The following AASDHPPT variants were observed in gnomAD, a reference collection of about 807,000 sequenced individuals.
The protein encoded by AASDHPPT is aminoadipate-semialdehyde dehydrogenase-phosphopantetheinyl transferase.
Under a neutral mutation model 36.4 loss-of-function variants are expected in AASDHPPT, and 23 were observed. That is an observed-to-expected ratio of 0.63 (90% CI 0.45 to 0.89). AASDHPPT has a LOEUF of 0.89. Among genes scored for constraint, AASDHPPT ranks in the 40% least tolerant of loss-of-function variants. The pLI, the probability that AASDHPPT is intolerant of heterozygous loss-of-function variation, is 0.00. For missense variants in AASDHPPT, 377 were observed against 378.2 expected (o/e 1.00, Z 0.03); for synonymous variants, 115 against 128.0 (o/e 0.90, Z 0.68).
chr11:106,088,062 C>T (rs1034045117), intron 2 of AASDHPPT, among the ~76,000 whole-genome samples: 4 of 152,108 alleles, frequency 2.6e-5, no homozygotes, highest in Admixed American at 6.6e-5. Context: ...CGAATATTTA[C>T]GAAATCACCT....
At chr11:106,086,595 C>G (rs1231123427) in intron 2 of AASDHPPT, among the ~76,000 whole-genome samples, 2 of 152,250 alleles carry the variant, frequency 1.3e-5, no homozygotes, top group African/African-American at 2.4e-5. Context: ...TTCACCCCAT[C>G]CCAGCATTAG....
At chr11:106,093,246 G>C (rs898761511) in intron 4 of AASDHPPT, 1 of 152,148 alleles carries the variant, frequency 6.6e-6, no homozygotes, top group Non-Finnish European at 1.5e-5. Flanking sequence ...ATATCCATTA[G>C]TTAACATTCT....
At chr11:106,081,712 A>G (rs1024944775) in intron 2 of AASDHPPT, among the ~76,000 whole-genome samples, 2 of 152,144 alleles carry the variant, frequency 1.3e-5, no homozygotes, top group African/African-American at 4.8e-5. Context: ...CTTGATGGGC[A>G]GTGTTGGCTA....
intron 5 of AASDHPPT, among the ~76,000 whole-genome samples, chr11:106,096,130 CAT>C (rs991642863): frequency 4.6e-5 from 7 of 152,080 alleles, no homozygotes; most frequent in African/African-American, 1.7e-4. Flanking sequence ...TGAGACCAGT[CAT>C]ATAAGTACTG....
At chr11:106,081,875 G>A (rs1464688348) in intron 2 of AASDHPPT, among the ~76,000 whole-genome samples, 1 of 151,604 alleles carries the variant, frequency 6.6e-6, no homozygotes, top group Non-Finnish European at 1.5e-5. Flanking sequence ...GGGAAGGGGG[G>A]AGGGATAGCA....
intron 5 of AASDHPPT, 172 bp from the exon 6 acceptor site, chr11:106,096,571 T>C (rs961801453): frequency 1.5e-5 from 7 of 457,154 alleles, no homozygotes; most frequent in Non-Finnish European, 2.6e-5. Flanking sequence ...TTTTTTTGAT[T>C]TGTTGTATTG....
chr11:106,087,754 A>G (rs1861211127), intron 2 of AASDHPPT, among the ~76,000 whole-genome samples: 1 of 152,204 alleles, frequency 6.6e-6, no homozygotes, highest in Admixed American at 6.5e-5. Context: ...TTAGTTAATC[A>G]TTCCAGAATA....
rs1861077164 is a variant in AASDHPPT at position 106,077,859 on chromosome 11, A to C, written c.149A>C (p.Gln50Pro). ...IQPEEKERIGQFVFARDAKAA... is the reference protein window; with the variant it reads ...IQPEEKERIGPFVFARDAKAA... The stretch of plus-strand genomic sequence containing the variant: ...CCCGAGGAGAAGGAGCGCATTGGCC[A>C]GTTCGTCTTTGCCCGGGACGCTAAG... Residue 50 changes from glutamine (Q) to proline (P), a missense_variant, in exon 1 of 6, where the codon CAG (glutamine) becomes CCG (proline). By Grantham distance (76) the Gln-to-Pro change is moderately conservative. Transcript: ENST00000278618. The C allele has an allele frequency of 6.2e-7, 1 of 1,614,020 alleles. No individual in the cohort carries two copies. Among genetic ancestry groups the C allele is most frequent in the East Asian group, 2.2e-5 (1 of 44,880 alleles).
In AASDHPPT at chr11:106,083,987, G is replaced by A. The variant is rs191387158; in HGVS notation, c.409+4295G>A. On this transcript the variant is annotated intron_variant, in intron 2 of 5. Transcript: ENST00000278618. ...TAAGGAAAATTCTTATAACAAATTT[G>A]GTAAGGTGTCAATATCCATAATATA... Among the ~76,000 whole-genome samples the A allele has an allele frequency of 1.7e-3, 265 of 151,994 alleles. 4 individuals carry two copies. Among genetic ancestry groups the A allele is most frequent in the African/African-American group, 6.0e-3 (248 of 41,468 alleles).
intron 1 of AASDHPPT, among the ~76,000 whole-genome samples, chr11:106,078,656 G>A (rs1314693352): frequency 6.6e-6 from 1 of 151,998 alleles, no homozygotes; most frequent in Non-Finnish European, 1.5e-5. Context: ...AAGGCACATT[G>A]GTGAAAATTT....
At chr11:106,091,710 A>G in intron 4 of AASDHPPT, 1 of 365,610 alleles carries the variant, frequency 2.7e-6, no homozygotes, top group Non-Finnish European at 4.8e-6. Context: ...AGAGGCTCTG[A>G]CAAGGAGCTT....
Position 106,094,430 on chromosome 11 carries a change from G to A in AASDHPPT, c.694-153G>A, listed in dbSNP as rs559196627. 138 of 489,156 alleles carry A rather than the reference G, an allele frequency of 2.8e-4. 1 individual carries two copies. The South Asian group carries it at 3.9e-3, about 14-fold the overall frequency. The allele number at this position is 489,156 out of a possible 1,614,324, so 30.3% of individuals were successfully genotyped here. ...TATGTAACTTCTAAAGTAGTTTAGC[G>A]GAGGTGGGGAAATATATATATGCAC... On this transcript the variant is annotated intron_variant, in intron 4 of 5. Transcript: ENST00000278618.
At chr11:106,078,785 T>G (rs2135034156) in intron 1 of AASDHPPT, among the ~76,000 whole-genome samples, 2 of 152,346 alleles carry the variant, frequency 1.3e-5, no homozygotes, top group Middle Eastern at 6.8e-3. Flanking sequence ...AATATATACT[T>G]TGTCATCTTA....
chr11:106,077,892 T>TG lies in AASDHPPT; in HGVS notation c.183+1dup. Reference sequence around the variant, plus strand: ...TTTGCCCGGGACGCTAAGGCAGCCATGGTACTACAGGTCTTTTTTGGTATT... The same window carrying TG: ...TTTGCCCGGGACGCTAAGGCAGCCATGGGTACTACAGGTCTTTTTTGGTATT... On this transcript the variant is annotated frameshift_variant and splice_region_variant, in exon 1 of 6. Coordinates refer to ENST00000278618, the MANE Select transcript of AASDHPPT (RefSeq NM_015423.3). LOFTEE classifies it high-confidence loss of function. 6.2e-7 allele frequency: 1 copy of TG among 1,613,960 alleles called. No homozygotes were observed. Among genetic ancestry groups the TG allele is most frequent in the Non-Finnish European group, 8.5e-7 (1 of 1,179,890 alleles).
intron 2 of AASDHPPT, among the ~76,000 whole-genome samples, chr11:106,080,588 C>T (rs1247586456): frequency 6.6e-6 from 1 of 152,130 alleles, no homozygotes; most frequent in Non-Finnish European, 1.5e-5. Context: ...CACTTAACCA[C>T]GTGTCATGGC....
intron 2 of AASDHPPT, among the ~76,000 whole-genome samples, chr11:106,083,273 GT>G (rs1861162813): frequency 6.6e-6 from 1 of 152,076 alleles, no homozygotes; most frequent in Admixed American, 6.5e-5. Flanking sequence ...TGCCTAATAG[GT>G]ATTATTTCAT....
chr11:106,091,195 G>T (rs4474407), intron 3 of AASDHPPT, 121 bp from the exon 4 acceptor site: 57,253 of 804,142 alleles, frequency 0.071, 6,588 homozygotes, highest in African/African-American at 0.37. Flanking sequence ...TTTTAAAAAG[G>T]TTATAGCTAT....
At position 106,098,508 on chromosome 11, in the gene AASDHPPT, G is replaced by GA. The variant is rs1350694039; in HGVS notation, c.*1608dup. The GA allele has an allele frequency of 6.7e-6, 1 of 149,696 alleles. No homozygotes were observed. Among genetic ancestry groups the GA allele is most frequent in the African/African-American group, 2.4e-5 (1 of 40,994 alleles). The allele number at this position is 149,696 out of a possible 1,614,324, so 9.3% of individuals were successfully genotyped here. A position where few individuals can be genotyped will look rare whatever the true frequency, so the allele number is the denominator to read the frequency against. ...AAATTAGGTACTTCGATTAGTAAAAGAAAAAAATTTGAATGTTTTTTTTTT... is the reference window on the plus strand; with the variant it reads ...AAATTAGGTACTTCGATTAGTAAAAGAAAAAAAATTTGAATGTTTTTTTTTT... On this transcript the variant is annotated 3_prime_UTR_variant, in exon 6 of 6. Coordinates refer to ENST00000278618, the MANE Select transcript of AASDHPPT (RefSeq NM_015423.3).
intron 2 of AASDHPPT, among the ~76,000 whole-genome samples, chr11:106,090,151 A>G (rs913796036): frequency 6.6e-6 from 1 of 152,006 alleles, no homozygotes; most frequent in African/African-American, 2.4e-5. Flanking sequence ...CTTTAGGAGT[A>G]TTTTAATTGG....
Sources: gnomAD v4.1 joint callset for allele counts (sites outside exome capture counted in the v4.1 genomes callset) on GRCh38, gnomAD v4.1.1 for gene constraint, MANE v1.5 for transcripts, NCBI Gene and HGNC (gene_info 2026-07-23, HGNC 2026-07-21) for gene names.